Variants in SPRY3 observed in about 807,000 individuals in gnomAD.
The protein encoded by SPRY3 is protein sprouty homolog 3.
SPRY3 carries 15 observed loss-of-function variants against 20.2 expected under a neutral mutation model. The observed-to-expected ratio is 0.74, with a 90% CI of 0.50 to 1.14. SPRY3 has a LOEUF of 1.14. SPRY3 is among the 50% of genes most tolerant of loss of function. The pLI is 0.00. For missense variants in SPRY3, 364 were observed against 363.9 expected, an observed-to-expected ratio of 1.00 and a Z score of 0.00; for synonymous variants, 143 against 136.5, an observed-to-expected ratio of 1.05 and a Z score of -0.33.
At chrX:155,742,185 G>A (rs1254244744) in intron 2 of SPRY3, among the ~76,000 whole-genome samples, 1 of 151,912 alleles carries the variant, frequency 6.6e-6, no homozygotes, top group African/African-American at 2.4e-5. Flanking sequence ...AAAAAAGCAG[G>A]GGTCACAATT....
intron 2 of SPRY3, among the ~76,000 whole-genome samples, chrX:155,692,197 T>TGG (rs2068104990): frequency 9.0e-6 from 1 of 110,900 alleles, no homozygotes; most frequent in African/African-American, 3.3e-5. Context: ...TATTTTACAT[T>TGG]TAGCTCCCTG....
At chrX:155,698,164 G>T (rs971403254) in intron 2 of SPRY3, among the ~76,000 whole-genome samples, 3 of 111,131 alleles carry the variant, frequency 2.7e-5, no homozygotes, top group African/African-American at 9.8e-5. Flanking sequence ...TGGATGAGTA[G>T]TACCACTCAT....
chrX:155,724,338 C>T (rs1426062502), intron 2 of SPRY3, among the ~76,000 whole-genome samples: 18 of 151,988 alleles, frequency 1.2e-4, no homozygotes, highest in African/African-American at 3.9e-4. Context: ...ATTGGTAGCT[C>T]GATGGGGATG....
At chrX:155,713,527 C>T (rs1170171892) in intron 2 of SPRY3, among the ~76,000 whole-genome samples, 1 of 152,080 alleles carries the variant, frequency 6.6e-6, no homozygotes, top group Admixed American at 6.6e-5. Context: ...TCATGCCACT[C>T]CCTCCTTGCC....
intron 2 of SPRY3, among the ~76,000 whole-genome samples, chrX:155,733,098 G>A (rs190891585): frequency 1.3e-5 from 2 of 151,904 alleles, no homozygotes; most frequent in Non-Finnish European, 1.5e-5. Context: ...TAGTACAATA[G>A]GGTGACTATA....
At chrX:155,682,596 C>G (rs1466510458) in intron 2 of SPRY3, among the ~76,000 whole-genome samples, 1 of 111,880 alleles carries the variant, frequency 8.9e-6, no homozygotes, top group African/African-American at 3.3e-5. Context: ...TCATGGCTCA[C>G]TGCAGCCTCA....
chrX:155,710,141 T>A (rs2090976312), intron 2 of SPRY3, among the ~76,000 whole-genome samples: 1 of 151,614 alleles, frequency 6.6e-6, no homozygotes, highest in South Asian at 2.1e-4. Context: ...TTGGGCTACT[T>A]TGGGTCTTTT....
intron 2 of SPRY3, among the ~76,000 whole-genome samples, chrX:155,715,886 C>T (rs2091018940): frequency 6.6e-6 from 1 of 152,172 alleles, no homozygotes; most frequent in Admixed American, 6.6e-5. Context: ...GCTGTGCTTG[C>T]CCTCCCCAAA....
intron 2 of SPRY3, among the ~76,000 whole-genome samples, chrX:155,729,740 T>A (rs2091121253): frequency 6.7e-6 from 1 of 148,180 alleles, no homozygotes; most frequent in African/African-American, 2.5e-5. Flanking sequence ...ATGAAGAAAA[T>A]AATAGAAAAT....
At chrX:155,627,418 G>C (rs1323803695) in intron 1 of SPRY3, among the ~76,000 whole-genome samples, 2 of 111,489 alleles carry the variant, frequency 1.8e-5, no homozygotes, top group Non-Finnish European at 3.8e-5. Flanking sequence ...CCTTTTTTAT[G>C]GCTAAATAAT....
chrX:155,721,932 G>GGTGT (rs1394716710), intron 2 of SPRY3, among the ~76,000 whole-genome samples: 1 of 151,974 alleles, frequency 6.6e-6, no homozygotes, highest in Admixed American at 6.6e-5. Flanking sequence ...CTGTAACTGT[G>GGTGT]GTGTGTAAAC....
intron 1 of SPRY3, among the ~76,000 whole-genome samples, chrX:155,613,518 C>G (rs2067838959): frequency 9.0e-6 from 1 of 111,599 alleles, no homozygotes; most frequent in South Asian, 3.7e-4. Context: ...CAAAAAAAAT[C>G]AAATGCATAT....
chrX:155,764,888 A>G (rs2091318504), intron 2 of SPRY3, among the ~76,000 whole-genome samples: 1 of 152,224 alleles, frequency 6.6e-6, no homozygotes, highest in Non-Finnish European at 1.5e-5. Context: ...GATAACTTAT[A>G]AACAACAGAA....
chrX:155,767,212 C>A (rs1210453269), intron 2 of SPRY3, among the ~76,000 whole-genome samples: 3 of 151,830 alleles, frequency 2.0e-5, no homozygotes, highest in African/African-American at 7.3e-5. Flanking sequence ...TCCGGGAAAG[C>A]CAACGACACG....
At chrX:155,667,397 T>C (rs2068027904) in intron 2 of SPRY3, among the ~76,000 whole-genome samples, 1 of 110,716 alleles carries the variant, frequency 9.0e-6, no homozygotes, top group South Asian at 3.8e-4. Context: ...GGACTCCAAA[T>C]GGTAAGAGTG....
At chrX:155,748,342 G>A (rs1454285185) in intron 2 of SPRY3, among the ~76,000 whole-genome samples, 1 of 151,836 alleles carries the variant, frequency 6.6e-6, no homozygotes, top group Non-Finnish European at 1.5e-5. Context: ...GGAAAAGTAT[G>A]TTTGCCCAGA....
At chrX:155,747,967 A>ATTATATACTTATACGAT (rs1321366838) in intron 2 of SPRY3, among the ~76,000 whole-genome samples, 2 of 151,932 alleles carry the variant, frequency 1.3e-5, no homozygotes, top group Non-Finnish European at 2.9e-5. Flanking sequence ...GATCAGTATA[A>ATTATATACTTATACGAT]TTATATACTT....
At chrX:155,680,374 G>C (rs2068071068) in intron 2 of SPRY3, among the ~76,000 whole-genome samples, 1 of 109,467 alleles carries the variant, frequency 9.1e-6, no homozygotes, top group Non-Finnish European at 1.9e-5. Context: ...ACGACTTAAG[G>C]TAGAAATGGG....
chrX:155,723,352 C>T (rs757057170), intron 2 of SPRY3, among the ~76,000 whole-genome samples: 1 of 152,114 alleles, frequency 6.6e-6, no homozygotes, highest in Non-Finnish European at 1.5e-5. Flanking sequence ...CCTGAGGAAT[C>T]GCCACACTGT....
Sources: allele counts gnomAD v4.1 joint callset (sites outside exome capture counted in the v4.1 genomes callset), GRCh38; gene constraint gnomAD v4.1.1; transcripts MANE v1.5; gene names NCBI Gene and HGNC (gene_info 2026-07-23, HGNC 2026-07-21).